Variants in CAMTA1 observed in about 807,000 individuals in gnomAD.
CAMTA1 encodes the protein calmodulin-binding transcription activator 1.
In CAMTA1, 27 loss-of-function variants were observed where a neutral mutation model predicts 170.9. That is an observed-to-expected ratio of 0.16 (90% CI 0.12 to 0.22). The LOEUF is 0.22. Ranked by LOEUF, CAMTA1 falls within the 10% of genes least tolerant of loss-of-function variation. The probability of loss-of-function intolerance (pLI) is 1.00; values close to 1 mark genes in which losing one functional copy is unlikely to be tolerated. For synonymous variants in CAMTA1, 833 were observed against 891.5 expected (o/e 0.93, Z 1.17); for missense variants, 1,619 against 2,217.2 (o/e 0.73, Z 5.42).
intron 3 of CAMTA1, among the ~76,000 whole-genome samples, chr1:6,908,952 C>T (rs1479963487): frequency 6.6e-6 from 1 of 152,212 alleles, no homozygotes; most frequent in Non-Finnish European, 1.5e-5. Flanking sequence ...ACTGCTCGAT[C>T]AATTTAAATT....
Position 6,986,180 on chromosome 1 carries a change from C to T in CAMTA1, c.235-105124C>T, listed in dbSNP as rs543135494. On this transcript the variant is annotated intron_variant, in intron 3 of 22. Transcript: ENST00000303635. The stretch of plus-strand genomic sequence containing the variant: ...AGTCAGGCCAGATTTGGGCTCCATC[C>T]GTCTGCTGCCATGTCTCTCACCAGG... 4.6e-5 allele frequency among the ~76,000 whole-genome samples: 7 copies of T among 152,308 alleles called. No individual in the cohort carries two copies. The East Asian group carries it at 1.2e-3, about 25-fold the overall frequency.
intron 3 of CAMTA1, among the ~76,000 whole-genome samples, chr1:6,876,768 A>T (rs1670021766): frequency 6.6e-6 from 1 of 152,166 alleles, no homozygotes; most frequent in African/African-American, 2.4e-5. Flanking sequence ...TGTCTGTCCT[A>T]ACTTAGGTGG....
At chr1:6,815,636 T>A (rs1645706770) in intron 1 of CAMTA1, among the ~76,000 whole-genome samples, 1 of 152,238 alleles carries the variant, frequency 6.6e-6, no homozygotes, top group South Asian at 2.1e-4. Context: ...ACTTTTTAAA[T>A]CTTCTAGGAA....
rs1036673999 is a variant in CAMTA1 at position 7,562,570 on chromosome 1, G to A, written c.511-77830G>A. Among the ~76,000 whole-genome samples, 2 of 152,180 alleles carry A rather than the reference G, an allele frequency of 1.3e-5. No individual in the cohort carries two copies. The highest frequency in any genetic ancestry group is 2.4e-5 in the African/African-American group (1 of 41,444). On this transcript the variant is annotated intron_variant, in intron 6 of 22. Transcript: ENST00000303635. This position sits in a 1 kb window ranked among gnomAD's most constrained non-coding sequence, Gnocchi z 4.8. ...TGGCCCCTGACAGGCAGCAGTACCCGCTGTCACGCTGCCTGCATGTCCCAG... is the reference window on the plus strand; with the variant it reads ...TGGCCCCTGACAGGCAGCAGTACCCACTGTCACGCTGCCTGCATGTCCCAG...
intron 3 of CAMTA1, among the ~76,000 whole-genome samples, chr1:6,941,066 C>T (rs1054682528): frequency 6.6e-6 from 1 of 151,406 alleles, no homozygotes; most frequent in African/African-American, 2.4e-5. Context: ...TCATTTTCTG[C>T]CGAGGAGCCC....
At chr1:7,675,188 C>T (rs2096104382) in intron 10 of CAMTA1, among the ~76,000 whole-genome samples, 1 of 152,058 alleles carries the variant, frequency 6.6e-6, no homozygotes. Context: ...GTGCAAAGGC[C>T]CTGGGGCAGA....
At chr1:7,307,888 ACT>A (rs1323718557) in intron 5 of CAMTA1, among the ~76,000 whole-genome samples, 1 of 151,720 alleles carries the variant, frequency 6.6e-6, no homozygotes, top group African/African-American at 2.4e-5. Context: ...AATATTCCTG[ACT>A]CTTCTGTTTT....
chr1:7,088,948 G>A (rs892889667), intron 3 of CAMTA1, among the ~76,000 whole-genome samples: 4 of 152,194 alleles, frequency 2.6e-5, no homozygotes, highest in South Asian at 4.1e-4. Flanking sequence ...AACTCTGAAC[G>A]GTCATTCCGA....
chr1:7,701,678 C>T (rs1327388586), intron 11 of CAMTA1, among the ~76,000 whole-genome samples: 1 of 152,082 alleles, frequency 6.6e-6, no homozygotes, highest in Admixed American at 6.6e-5. Context: ...CCTCAGCCTC[C>T]TAAAAGTACT....
At chr1:6,926,411 CTCT>C (rs1366827376) in intron 3 of CAMTA1, among the ~76,000 whole-genome samples, 92 of 144,982 alleles carry the variant, frequency 6.3e-4, no homozygotes, top group African/African-American at 2.2e-3. Context: ...TCCCTCCTCT[CTCT>C]TTTCTTTTCT....
In CAMTA1 at chr1:7,581,234, T is replaced by C. The variant is rs373147808; in HGVS notation, c.511-59166T>C. On this transcript the variant is annotated intron_variant, in intron 6 of 22. Coordinates refer to ENST00000303635, the MANE Select transcript of CAMTA1 (RefSeq NM_015215.4). ...ATAGGAAGTTTGGTTGTCATTCCAATATGGCTGGAACCCCAGAAACTTTTT... is the reference window on the plus strand; with the variant it reads ...ATAGGAAGTTTGGTTGTCATTCCAACATGGCTGGAACCCCAGAAACTTTTT... Among the ~76,000 whole-genome samples, 281 of 152,332 alleles carry C rather than the reference T, an allele frequency of 1.8e-3. 2 individuals are homozygous for C. The highest frequency in any genetic ancestry group is 6.5e-3 in the African/African-American group (271 of 41,568).
intron 6 of CAMTA1, among the ~76,000 whole-genome samples, chr1:7,490,417 C>CGA (rs2093684849): frequency 1.3e-5 from 2 of 152,138 alleles, no homozygotes; most frequent in Admixed American, 1.3e-4. Context: ...TTTGGGAGGC[C>CGA]GAGGCAGGCG....
intron 3 of CAMTA1, among the ~76,000 whole-genome samples, chr1:7,088,094 G>A (rs1207540534): frequency 6.6e-6 from 1 of 152,192 alleles, no homozygotes; most frequent in African/African-American, 2.4e-5. Flanking sequence ...GGTTCATGCA[G>A]CAGCATGGGA....
At chr1:6,916,474 T>C (rs1002280137) in intron 3 of CAMTA1, among the ~76,000 whole-genome samples, 4 of 152,208 alleles carry the variant, frequency 2.6e-5, no homozygotes, top group African/African-American at 9.6e-5. Flanking sequence ...GCAGCTTGAC[T>C]TACAGGCCCT....
intron 3 of CAMTA1, among the ~76,000 whole-genome samples, chr1:6,944,045 G>A (rs185866017): frequency 4.3e-4 from 65 of 151,898 alleles, no homozygotes; most frequent in Non-Finnish European, 7.1e-4. Context: ...CCCCCCAGCC[G>A]CTGGCACCCC....
At chr1:7,403,214 C>T (rs549841003) in intron 5 of CAMTA1, among the ~76,000 whole-genome samples, 2 of 151,952 alleles carry the variant, frequency 1.3e-5, no homozygotes, top group South Asian at 2.1e-4. Flanking sequence ...ATTAGCCAGG[C>T]GTGATGACGG....
intron 4 of CAMTA1, among the ~76,000 whole-genome samples, chr1:7,149,796 G>A (rs1042230284): frequency 2.0e-5 from 3 of 152,190 alleles, no homozygotes; most frequent in Admixed American, 6.5e-5. Flanking sequence ...CAGAGGTGCC[G>A]ACGGTGCCCA....
At chr1:7,210,975 C>T (rs996434011) in intron 4 of CAMTA1, among the ~76,000 whole-genome samples, 3 of 152,148 alleles carry the variant, frequency 2.0e-5, no homozygotes, top group Non-Finnish European at 2.9e-5. Context: ...TAATATTTTT[C>T]CACAACATTT....
intron 5 of CAMTA1, among the ~76,000 whole-genome samples, chr1:7,275,164 G>GAA (rs1161721983): frequency 4.7e-5 from 6 of 128,568 alleles, no homozygotes; most frequent in Admixed American, 1.6e-4. Context: ...AAAAAAAAAA[G>GAA]AAGAAAGAAA....
Sources: allele counts gnomAD v4.1 joint callset (sites outside exome capture counted in the v4.1 genomes callset), GRCh38; gene constraint gnomAD v4.1.1; non-coding constraint Gnocchi (gnomAD v3.1); transcripts MANE v1.5; gene names NCBI Gene and HGNC (gene_info 2026-07-23, HGNC 2026-07-21).